TBC1D22A: variants seen among roughly 807,000 people sequenced by gnomAD.
TBC1D22A encodes the protein putative GTPase activator.
A neutral mutation model predicts 60.2 loss-of-function variants in TBC1D22A; 38 were observed. That is an observed-to-expected ratio of 0.63 (90% CI 0.49 to 0.83). The LOEUF is 0.83. Ranked by LOEUF, TBC1D22A falls within the 40% of genes least tolerant of loss-of-function variation. The pLI is 0.00. For missense variants in TBC1D22A, 628 were observed against 701.0 expected (o/e 0.90, Z 1.18); for synonymous variants, 302 against 281.7 (o/e 1.07, Z -0.72).
intron 12 of TBC1D22A, among the ~76,000 whole-genome samples, chr22:47,168,026 G>A (rs1158616584): frequency 6.6e-6 from 1 of 152,246 alleles, no homozygotes; most frequent in Non-Finnish European, 1.5e-5. Context: ...TATGAGACTT[G>A]CCCAGGGTTG....
chr22:47,115,702 C>T (rs2066016951), intron 12 of TBC1D22A: 1 of 152,246 alleles, frequency 6.6e-6, no homozygotes. Flanking sequence ...CCACCCGCCC[C>T]TGCTGATTGG....
At chr22:46,904,800 A>G (rs1328405362) in intron 7 of TBC1D22A, among the ~76,000 whole-genome samples, 2 of 126,784 alleles carry the variant, frequency 1.6e-5, no homozygotes, top group African/African-American at 6.1e-5. Context: ...TCTGAGACAG[A>G]GTCTTAGTCT....
At position 46,777,505 on chromosome 22, in the gene TBC1D22A, C is replaced by T. The variant is rs903329284; in HGVS notation, c.62+14657C>T. 1.1e-4 allele frequency among the ~76,000 whole-genome samples: 16 copies of T among 151,954 alleles called. No homozygotes were observed. The highest frequency in any genetic ancestry group is 4.6e-4 in the Admixed American group (7 of 15,250). ...TGCTTGGAGGCACGTGTTTGAGAAC[C>T]GTTTACTCGGGTGGAGGAGGTCAGG... On this transcript the variant is annotated intron_variant, in intron 1 of 12. Transcript: ENST00000337137. This position sits in a 1 kb window ranked among gnomAD's most constrained non-coding sequence, Gnocchi z 4.5.
chr22:46,966,283 C>T (rs1402302661), intron 8 of TBC1D22A, among the ~76,000 whole-genome samples: 1 of 152,130 alleles, frequency 6.6e-6, no homozygotes, highest in Non-Finnish European at 1.5e-5. Flanking sequence ...GTTCATTCTC[C>T]ACCTGGCAGG....
intron 10 of TBC1D22A, among the ~76,000 whole-genome samples, chr22:47,006,442 A>G (rs951462195): frequency 2.0e-5 from 3 of 152,216 alleles, no homozygotes; most frequent in Non-Finnish European, 4.4e-5. Flanking sequence ...TGTATTCACA[A>G]TCGGGTGGAG....
intron 11 of TBC1D22A, among the ~76,000 whole-genome samples, chr22:47,050,219 G>A (rs2063163505): frequency 6.6e-6 from 1 of 152,062 alleles, no homozygotes; most frequent in African/African-American, 2.4e-5. Flanking sequence ...TGGCCAGGCT[G>A]GTCTCAAACT....
At chr22:46,778,882 A>C (rs2083817396) in intron 1 of TBC1D22A, among the ~76,000 whole-genome samples, 1 of 152,150 alleles carries the variant, frequency 6.6e-6, no homozygotes, top group African/African-American at 2.4e-5. Flanking sequence ...CGTCTCTACT[A>C]AAAGTACAAA....
At chr22:46,786,753 G>A (rs1338288636) in intron 1 of TBC1D22A, among the ~76,000 whole-genome samples, 3 of 152,138 alleles carry the variant, frequency 2.0e-5, no homozygotes, top group Non-Finnish European at 4.4e-5. Flanking sequence ...CAGTAGTGCC[G>A]TCATAGGTCA....
At chr22:47,108,273 C>T (rs543600592) in intron 11 of TBC1D22A, among the ~76,000 whole-genome samples, 11 of 152,340 alleles carry the variant, frequency 7.2e-5, no homozygotes, top group Admixed American at 6.5e-4. Context: ...CATCTCTCTG[C>T]ATAGTAGCCC....
chr22:46,885,550 A>G (rs2147549554), intron 5 of TBC1D22A, among the ~76,000 whole-genome samples: 1 of 152,358 alleles, frequency 6.6e-6, no homozygotes, highest in Non-Finnish European at 1.5e-5. Context: ...TGTTATTGCC[A>G]AGAGACGGAC....
chr22:47,156,619 G>T (rs1448538575), intron 12 of TBC1D22A, among the ~76,000 whole-genome samples: 1 of 152,120 alleles, frequency 6.6e-6, no homozygotes, highest in Non-Finnish European at 1.5e-5. Flanking sequence ...AGGTGAGGGT[G>T]GGCCTGAGGC....
chr22:47,093,911 C>T (rs1039837078), intron 11 of TBC1D22A, among the ~76,000 whole-genome samples: 6 of 152,174 alleles, frequency 3.9e-5, no homozygotes, highest in Admixed American at 2.0e-4. Context: ...AACAATTATT[C>T]CCAAGGAAGA....
intron 12 of TBC1D22A, among the ~76,000 whole-genome samples, chr22:47,142,310 T>C (rs1259501643): frequency 6.7e-5 from 7 of 104,000 alleles, no homozygotes; most frequent in African/African-American, 2.2e-4. Flanking sequence ...CATCCATCCA[T>C]CCACCCACCC....
intron 10 of TBC1D22A, among the ~76,000 whole-genome samples, chr22:47,030,654 G>C (rs1006882696): frequency 6.6e-6 from 1 of 152,124 alleles, no homozygotes; most frequent in Non-Finnish European, 1.5e-5. Flanking sequence ...ACACCTGCCT[G>C]CTCATTCATT....
rs115481577 is a variant in TBC1D22A, at chr22:46,885,503, A to G, written c.709-5763A>G. On this transcript the variant is annotated intron_variant, in intron 5 of 12. Coordinates refer to ENST00000337137, the MANE Select transcript of TBC1D22A (RefSeq NM_014346.5). ...CCTTAGTTCACCTGCGGGTATGGCA[A>G]TTCGGGGGCAAAGAAAAAGAAGTAA... 3.6e-3 allele frequency among the ~76,000 whole-genome samples: 550 copies of G among 152,320 alleles called. 4 individuals are homozygous for G. The highest frequency in any genetic ancestry group is 0.013 in the African/African-American group (522 of 41,576).
At chr22:47,171,642 C>T (rs928969191) in intron 12 of TBC1D22A, among the ~76,000 whole-genome samples, 1 of 152,204 alleles carries the variant, frequency 6.6e-6, no homozygotes, top group African/African-American at 2.4e-5. Context: ...CTGCCAAGCC[C>T]TCTGTGTGTT....
chr22:47,108,758 C>G (rs1323166077), intron 11 of TBC1D22A, among the ~76,000 whole-genome samples: 4 of 152,162 alleles, frequency 2.6e-5, no homozygotes, highest in Non-Finnish European at 5.9e-5. Flanking sequence ...TGCAGTGGCT[C>G]GATCTCGGCT....
chr22:47,173,570 G>A lies in TBC1D22A; in HGVS notation c.1498G>A (p.Glu500Lys), dbSNP rs746462660. The A allele has an allele frequency of 3.1e-6, 5 of 1,614,100 alleles. No individual in the cohort carries two copies. Among genetic ancestry groups the A allele is most frequent in the Non-Finnish European group, 4.2e-6 (5 of 1,180,014 alleles). ...DDEDISLLLA[E>K]AYRLKFAFAD... Reference sequence around the variant, plus strand: ...TGAGGACATCAGCCTGTTGCTGGCCGAGGCCTACCGCCTCAAGTTTGCTTT... The same window carrying A: ...TGAGGACATCAGCCTGTTGCTGGCCAAGGCCTACCGCCTCAAGTTTGCTTT... Residue 500 changes from glutamate (E) to lysine (K), a missense_variant, in exon 13 of 13, where the codon GAG becomes AAG. Physicochemically the swap from Glu to Lys is moderately conservative, Grantham distance 56 (BLOSUM62 1). Coordinates refer to ENST00000337137, the MANE Select transcript of TBC1D22A (RefSeq NM_014346.5).
chr22:47,175,362 C>T lies in TBC1D22A; in HGVS notation c.*1736C>T, dbSNP rs2068647080. On this transcript the variant is annotated 3_prime_UTR_variant, in exon 13 of 13. Coordinates refer to ENST00000337137, the MANE Select transcript of TBC1D22A (RefSeq NM_014346.5). ...TCTAGATGGGGAGGGGATTCCGTCA[C>T]AAGAAGAGCCGCCCCTCGGCCGTGT... 6.6e-6 allele frequency: 1 copy of T among 150,622 alleles called. No individual in the cohort carries two copies. Among genetic ancestry groups the T allele is most frequent in the Non-Finnish European group, 1.5e-5 (1 of 68,176 alleles). The allele number at this position is 150,622 out of a possible 1,614,324, so 9.3% of individuals were successfully genotyped here. A position where few individuals can be genotyped will look rare whatever the true frequency, so the allele number is the denominator to read the frequency against.
Sources: allele counts gnomAD v4.1 joint callset (sites outside exome capture counted in the v4.1 genomes callset), GRCh38; gene constraint gnomAD v4.1.1; non-coding constraint Gnocchi (gnomAD v3.1); transcripts MANE v1.5; gene names NCBI Gene and HGNC (gene_info 2026-07-23, HGNC 2026-07-21).